Variants in CDC42BPA observed in about 807,000 individuals in gnomAD.
CDC42BPA encodes the protein serine/threonine-protein kinase MRCK alpha.
In CDC42BPA, 80 loss-of-function variants were observed where a neutral mutation model predicts 223.5. The ratio of observed to expected loss-of-function variants is 0.36; its 90% CI spans 0.30 to 0.43. The LOEUF is 0.43. Among genes scored for constraint, CDC42BPA ranks in the 20% least tolerant of loss-of-function variants. The pLI, the probability that CDC42BPA is intolerant of heterozygous loss-of-function variation, is 1.00. For synonymous variants in CDC42BPA, 694 were observed against 718.6 expected (o/e 0.97, Z 0.55); for missense variants, 1,743 against 2,099.9 (o/e 0.83, Z 3.32).
intron 1 of CDC42BPA, among the ~76,000 whole-genome samples, chr1:227,295,348 TG>T (rs909219690): frequency 8.6e-5 from 13 of 151,998 alleles, no homozygotes; most frequent in African/African-American, 3.1e-4. Context: ...TTTGTAGAGA[TG>T]GGGTTTCACC....
At chr1:227,102,952 C>T (rs575864888) in intron 14 of CDC42BPA, among the ~76,000 whole-genome samples, 1 of 151,804 alleles carries the variant, frequency 6.6e-6, no homozygotes, top group East Asian at 1.9e-4. Flanking sequence ...CTAAGTCCCA[C>T]AATAAAACCA....
intron 21 of CDC42BPA, chr1:227,068,759 G>T (rs925350875): frequency 1.3e-5 from 8 of 595,554 alleles, no homozygotes; most frequent in Admixed American, 5.0e-5. Flanking sequence ...AATTTAATAA[G>T]AATAATAAAT....
chr1:227,304,872 A>G (rs1692284371), intron 1 of CDC42BPA, among the ~76,000 whole-genome samples: 1 of 152,220 alleles, frequency 6.6e-6, no homozygotes, highest in Admixed American at 6.5e-5. Context: ...ATGACTTTAC[A>G]TTTGTTAAAA....
chr1:227,071,240 C>T (rs1263804688), intron 20 of CDC42BPA, among the ~76,000 whole-genome samples: 1 of 151,864 alleles, frequency 6.6e-6, no homozygotes, highest in African/African-American at 2.4e-5. Flanking sequence ...GATGCAGAGA[C>T]TCCACCAGTT....
At chr1:227,307,841 G>T (rs1176267634) in intron 1 of CDC42BPA, among the ~76,000 whole-genome samples, 2 of 152,084 alleles carry the variant, frequency 1.3e-5, no homozygotes, top group Non-Finnish European at 2.9e-5. Context: ...AACCCTCTGC[G>T]TTGAGGTCCA....
chr1:227,142,827 C>T, intron 9 of CDC42BPA, 118 bp downstream of exon 9: 1 of 515,724 alleles, frequency 1.9e-6, no homozygotes, highest in Non-Finnish European at 3.3e-6. Context: ...ACCATATTGG[C>T]CAGGCTGGTC....
At chr1:227,264,491 T>C (rs1684641311) in intron 1 of CDC42BPA, among the ~76,000 whole-genome samples, 1 of 150,912 alleles carries the variant, frequency 6.6e-6, no homozygotes, top group African/African-American at 2.5e-5. Flanking sequence ...CAAATAAGAT[T>C]TATATCCTAC....
chr1:227,226,776 T>C (rs553603307), intron 2 of CDC42BPA, among the ~76,000 whole-genome samples: 1 of 152,280 alleles, frequency 6.6e-6, no homozygotes, highest in South Asian at 2.1e-4. Context: ...GCTCATGAGA[T>C]GACAGACAAT....
intron 27 of CDC42BPA, among the ~76,000 whole-genome samples, chr1:227,032,989 A>G (rs983229465): frequency 6.6e-6 from 1 of 152,182 alleles, no homozygotes; most frequent in Non-Finnish European, 1.5e-5. Flanking sequence ...AAACGCATTA[A>G]TTTTTCAAGA....
chr1:227,195,297 G>T (rs1670482332), intron 4 of CDC42BPA, among the ~76,000 whole-genome samples: 2 of 152,080 alleles, frequency 1.3e-5, no homozygotes. Context: ...GGGTTCAAGT[G>T]ATTCTCATGC....
intron 15 of CDC42BPA, among the ~76,000 whole-genome samples, chr1:227,094,651 T>G (rs1012658076): frequency 6.6e-6 from 1 of 152,156 alleles, no homozygotes; most frequent in Non-Finnish European, 1.5e-5. Context: ...TACCCCAAGG[T>G]GGGTAAATAA....
intron 21 of CDC42BPA, among the ~76,000 whole-genome samples, chr1:227,065,097 A>AAAATAAATAAATAAATAAATAGAT (rs1676744095): frequency 6.7e-6 from 1 of 148,718 alleles, no homozygotes; most frequent in African/African-American, 2.5e-5. Context: ...ACTCCATCTC[A>AAAATAAATAAATAAATAAATAGAT]AAATAAATAA....
rs1682633429 is a variant in CDC42BPA at position 227,254,114 on chromosome 1, T to C, written c.220A>G (p.Arg74Gly). Residue 74 changes from arginine (R) to glycine (G), a missense_variant, in exon 2 of 37, where the codon AGA (arginine) becomes GGA (glycine). Coordinates refer to ENST00000366766, the MANE Select transcript of CDC42BPA (RefSeq NM_001394014.1). ...TSKVKQMRLH[R>G]EDFEILKVIG... ...ACCTTTAATATTTCAAAGTCTTCTC[T>C]ATGTAATCGCATTTGTTTCACTTTA... 3 of 1,600,972 alleles carry C rather than the reference T, an allele frequency of 1.9e-6. No homozygotes were observed. The highest frequency in any genetic ancestry group is 3.4e-5 in the Admixed American group (2 of 58,180).
chr1:226,992,243 T>C lies in CDC42BPA; in HGVS notation c.*2025A>G, dbSNP rs981892698. The C allele has an allele frequency of 1.3e-5, 2 of 152,222 alleles. No individual in the cohort carries two copies. The highest frequency in any genetic ancestry group is 4.8e-5 in the African/African-American group (2 of 41,458). 9.4% of individuals were successfully genotyped at this position (152,222 alleles called of 1,614,324 possible). A position where few individuals can be genotyped will look rare whatever the true frequency, so the allele number is the denominator to read the frequency against. On this transcript the variant is annotated 3_prime_UTR_variant, in exon 37 of 37. Coordinates refer to ENST00000366766, the MANE Select transcript of CDC42BPA (RefSeq NM_001394014.1). ...TATTCAGGTGAGAAAAGTATTTTTATACTTCATTCTAAAAAGCAGAAAGAT... is the reference window on the plus strand; with the variant it reads ...TATTCAGGTGAGAAAAGTATTTTTACACTTCATTCTAAAAAGCAGAAAGAT...
intron 3 of CDC42BPA, among the ~76,000 whole-genome samples, chr1:227,205,223 C>G (rs1212877964): frequency 6.9e-6 from 1 of 144,112 alleles, no homozygotes; most frequent in Non-Finnish European, 1.5e-5. Context: ...GAGCCAAGAT[C>G]TAGCCACTGC....
chr1:227,118,574 C>T (rs560696837), intron 12 of CDC42BPA, among the ~76,000 whole-genome samples: 82 of 151,760 alleles, frequency 5.4e-4, no homozygotes, highest in African/African-American at 1.8e-3. Context: ...AATTGGTGAC[C>T]ACCTGTCACT....
chr1:227,242,234 G>A (rs1041081068), intron 2 of CDC42BPA, among the ~76,000 whole-genome samples: 70 of 152,030 alleles, frequency 4.6e-4, no homozygotes, highest in African/African-American at 1.6e-3. Context: ...AATGATAAAA[G>A]CTATCTACAG....
chr1:227,272,721 C>T (rs1007656552), intron 1 of CDC42BPA, among the ~76,000 whole-genome samples: 6 of 151,998 alleles, frequency 3.9e-5, no homozygotes, highest in Admixed American at 1.3e-4. Context: ...GCTCCTGGCC[C>T]TGTAATTTCA....
At position 227,067,496 on chromosome 1, in the gene CDC42BPA, A is replaced by T. The variant is rs187232287; in HGVS notation, c.2904+2281T>A. Among the ~76,000 whole-genome samples, 36 of 152,280 alleles carry T rather than the reference A, an allele frequency of 2.4e-4. No individual in the cohort carries two copies. In the East Asian group the frequency reaches 5.8e-3, roughly 24 times the overall value. On this transcript the variant is annotated intron_variant, in intron 21 of 36. Coordinates refer to ENST00000366766, the MANE Select transcript of CDC42BPA (RefSeq NM_001394014.1). The stretch of plus-strand genomic sequence containing the variant: ...CCCTTTCTTTTTTAAGGTGAATAAT[A>T]TCTGTATGGAAATATCATATTGAAT...
Sources: allele counts gnomAD v4.1 joint callset (sites outside exome capture counted in the v4.1 genomes callset), GRCh38; gene constraint gnomAD v4.1.1; transcripts MANE v1.5; gene names NCBI Gene and HGNC (gene_info 2026-07-23, HGNC 2026-07-21).